The following SYNCRIP variants were observed in gnomAD, a reference collection of about 807,000 sequenced individuals.
SYNCRIP encodes the protein synaptotagmin binding cytoplasmic RNA interacting protein.
A neutral mutation model predicts 68.9 loss-of-function variants in SYNCRIP; 9 were observed. The observed-to-expected ratio is 0.13, with a 90% confidence interval of 0.08 to 0.23. SYNCRIP has a LOEUF of 0.23. Among genes scored for constraint, SYNCRIP ranks in the 10% least tolerant of loss-of-function variants. The pLI is 1.00. For missense variants in SYNCRIP, 414 were observed against 770.6 expected (o/e 0.54, Z 5.48); for synonymous variants, 258 against 254.0 (o/e 1.02, Z -0.15).
At chr6:85,631,339 C>CAAAAAAAAAAAAAAAAAAAAAAA (rs71003000) in intron 6 of SYNCRIP, among the ~76,000 whole-genome samples, 15 of 91,798 alleles carry the variant, frequency 1.6e-4, no homozygotes, top group African/African-American at 6.5e-4. Flanking sequence ...ACTGTGTCTC[C>CAAAAAAAAAAAAAAAAAAAAAAA]AAAAAAAAAA....
At chr6:85,638,542 A>G (rs1389717201) in intron 4 of SYNCRIP, among the ~76,000 whole-genome samples, 1 of 152,230 alleles carries the variant, frequency 6.6e-6, no homozygotes, top group African/African-American at 2.4e-5. Context: ...AAATAAAAAC[A>G]GACTAATCCT....
intron 6 of SYNCRIP, among the ~76,000 whole-genome samples, chr6:85,625,439 C>T (rs1222145588): frequency 6.6e-6 from 1 of 151,122 alleles, no homozygotes; most frequent in Admixed American, 6.6e-5. Flanking sequence ...GGCAGGAGTG[C>T]AGCAGTGGCA....
At chr6:85,633,648 C>T (rs1256945274) in intron 6 of SYNCRIP, among the ~76,000 whole-genome samples, 1 of 152,152 alleles carries the variant, frequency 6.6e-6, no homozygotes, top group Non-Finnish European at 1.5e-5. Context: ...ATATATCCTA[C>T]TGGCTGTATA....
chr6:85,610,200 A>T (rs1197621280), downstream of SYNCRIP: 1 of 151,922 alleles, frequency 6.6e-6, no homozygotes, highest in Non-Finnish European at 1.5e-5. Flanking sequence ...CAGAACGTTA[A>T]TTGTTCACAT....
intron 9 of SYNCRIP, 102 bp downstream of exon 9, chr6:85,619,166 T>C (rs1450857704): frequency 5.4e-6 from 8 of 1,493,804 alleles, no homozygotes; most frequent in Non-Finnish European, 6.4e-6. Context: ...ATGGATTCCA[T>C]GGACTTCCAA....
intron 7 of SYNCRIP, among the ~76,000 whole-genome samples, chr6:85,623,562 C>CCAAAAAAAAAAAAAAAAACAA (rs572909849): frequency 1.6e-5 from 1 of 63,240 alleles, no homozygotes. Flanking sequence ...AGACTGTCTC[C>CCAAAAAAAAAAAAAAAAACAA]AAAAAAAAAA....
intron 2 of SYNCRIP, among the ~76,000 whole-genome samples, chr6:85,640,933 C>T (rs1809063866): frequency 6.6e-6 from 1 of 152,186 alleles, no homozygotes; most frequent in African/African-American, 2.4e-5. Flanking sequence ...AAGTTAACAG[C>T]CGCACCAGAA....
intron 10 of SYNCRIP, among the ~76,000 whole-genome samples, chr6:85,618,348 C>G (rs185741409): frequency 6.6e-6 from 1 of 151,932 alleles, no homozygotes; most frequent in East Asian, 1.9e-4. Context: ...TGAGACCAAC[C>G]TGGCCAACAT....
At chr6:85,643,857 C>CA (rs1809490170), upstream of SYNCRIP, 1 of 152,240 alleles carries the variant, frequency 6.6e-6, no homozygotes, top group African/African-American at 2.4e-5. Flanking sequence ...CGGGAAGCTG[C>CA]AGGCGCACGT....
intron 4 of SYNCRIP, among the ~76,000 whole-genome samples, chr6:85,638,270 G>C (rs1351579529): frequency 1.3e-5 from 2 of 151,318 alleles, no homozygotes; most frequent in African/African-American, 4.9e-5. Context: ...CTACTCAGGA[G>C]GCTGAGGCAG....
chr6:85,612,539 A>T (rs973131083), downstream of SYNCRIP: 2 of 177,688 alleles, frequency 1.1e-5, no homozygotes, highest in Non-Finnish European at 2.4e-5. Flanking sequence ...TGGGATCCTT[A>T]ATTTAAAAAA....
intron 7 of SYNCRIP, 30 bp from the exon 8 acceptor site, chr6:85,622,717 T>TA: frequency 6.4e-7 from 1 of 1,558,188 alleles, no homozygotes; most frequent in Non-Finnish European, 8.8e-7. Context: ...CCAGGAAAAT[T>TA]AGATGAAATA....
downstream of SYNCRIP, chr6:85,612,094 TTATGATGGTCA>T (rs1805297338): frequency 2.0e-5 from 3 of 152,154 alleles, no homozygotes; most frequent in Admixed American, 2.0e-4. Flanking sequence ...GCAAGGCCTG[TTATGATGGTCA>T]TGAGGAAGTC....
At position 85,640,293 on chromosome 6, in the gene SYNCRIP, A is replaced by G; in HGVS notation, c.303T>C (p.Thr101=). The change falls in exon 4 of 11, where the codon ACT becomes ACC. Residue 101 remains threonine (T), a synonymous_variant. Transcript: ENST00000369622. ...TCCCTTGTTTTTCTCTCTGCCTGTAAGTCTTCATGACTCCACATAAAAAGG... is the reference window on the plus strand; with the variant it reads ...TCCCTTGTTTTTCTCTCTGCCTGTAGGTCTTCATGACTCCACATAAAAAGG... ...KSAFLCGVMK[T]YRQREKQGTK... 1.2e-6 allele frequency: 2 copies of G among 1,613,854 alleles called. No individual in the cohort carries two copies. The highest frequency in any genetic ancestry group is 8.5e-7 in the Non-Finnish European group (1 of 1,179,880).
intron 7 of SYNCRIP, 62 bp from the exon 8 acceptor site, chr6:85,622,749 AAAGGATTTATCT>A: frequency 7.5e-7 from 1 of 1,324,880 alleles, no homozygotes. Flanking sequence ...CAAGTGGATC[AAAGGATTTATCT>A]AAGATACTAC....
At chr6:85,616,076 A>G (rs921735487) in intron 10 of SYNCRIP, among the ~76,000 whole-genome samples, 11 of 152,232 alleles carry the variant, frequency 7.2e-5, no homozygotes, top group African/African-American at 2.7e-4. Context: ...TTTAACCACT[A>G]AACAGGTATA....
intron 7 of SYNCRIP, 65 bp from the exon 8 acceptor site, chr6:85,622,752 G>C: frequency 3.1e-6 from 4 of 1,281,728 alleles, no homozygotes; most frequent in Non-Finnish European, 4.5e-6. Flanking sequence ...GTGGATCAAA[G>C]GATTTATCTA....
chr6:85,634,607 G>A (rs1418585381), intron 6 of SYNCRIP, among the ~76,000 whole-genome samples: 1 of 151,396 alleles, frequency 6.6e-6, no homozygotes, highest in Admixed American at 6.6e-5. Flanking sequence ...GGGTTTTTTG[G>A]GAGTATCTTC....
At chr6:85,622,425 C>A in intron 8 of SYNCRIP, 57 bp downstream of exon 8, 59 of 1,414,470 alleles carry the variant, frequency 4.2e-5, no homozygotes, top group Non-Finnish European at 5.7e-5. Flanking sequence ...CCCACCCCAA[C>A]CCCGGCCCTT....
Sources: allele counts gnomAD v4.1 joint callset (sites outside exome capture counted in the v4.1 genomes callset), GRCh38; gene constraint gnomAD v4.1.1; transcripts MANE v1.5; gene names NCBI Gene and HGNC (gene_info 2026-07-23, HGNC 2026-07-21).